Variants in BTF3 observed in about 807,000 individuals in gnomAD.
BTF3 encodes transcription factor BTF3.
A neutral mutation model predicts 23.9 loss-of-function variants in BTF3; 12 were observed. The ratio of observed to expected loss-of-function variants is 0.50; its 90% CI spans 0.32 to 0.81. The LOEUF is 0.81. Among genes scored for constraint, BTF3 ranks in the 40% least tolerant of loss-of-function variants. The probability of loss-of-function intolerance (pLI) is 0.03; values close to 1 mark genes in which losing one functional copy is unlikely to be tolerated. For missense variants in BTF3, 215 were observed against 255.9 expected (o/e 0.84, Z 1.09); for synonymous variants, 96 against 94.8 (o/e 1.01, Z -0.07).
At chr5:73,500,093 A>G (rs946647818) in intron 2 of BTF3, among the ~76,000 whole-genome samples, 3 of 152,148 alleles carry the variant, frequency 2.0e-5, no homozygotes. Flanking sequence ...TTGCACTTAG[A>G]CTTAAATAAT....
intron 3 of BTF3, 76 bp downstream of exon 3, chr5:73,502,677 GTTT>G (rs35246204): frequency 0.16 from 126,584 of 767,260 alleles, 10,772 homozygotes; most frequent in East Asian, 0.51. Context: ...TAAATGGGTT[GTTT>G]TTTTTTTTTT....
rs531902391 is a variant in BTF3, at chr5:73,499,435, AGT to A, written c.201+236_201+237del. 328 of 600,268 alleles carry A rather than the reference AGT, an allele frequency of 5.5e-4. 1 individual carries two copies. The African/African-American group carries it at 6.9e-3, about 13-fold the overall frequency. 37.2% of individuals were successfully genotyped at this position (600,268 alleles called of 1,614,324 possible). ...CATGTTTGTGTTTTCAGTGTTACAG[AGT>A]GTAAGTAGAACACAAAAGTGTTTCC... is the stretch of plus-strand genomic sequence containing the variant. On this transcript the variant is annotated intron_variant, in intron 2 of 5. Transcript: ENST00000380591.
intron 4 of BTF3, among the ~76,000 whole-genome samples, chr5:73,504,056 A>G (rs1746499073): frequency 6.6e-6 from 1 of 152,120 alleles, no homozygotes; most frequent in Non-Finnish European, 1.5e-5. Flanking sequence ...GCACTCTAAG[A>G]GTTCCCTACT....
chr5:73,499,512 C>T (rs1746382910), intron 2 of BTF3: 3 of 420,458 alleles, frequency 7.1e-6, no homozygotes, highest in South Asian at 2.1e-5. Context: ...TCGTTGTGCA[C>T]ATCATACCCT....
At position 73,503,957 on chromosome 5, in the gene BTF3, C is replaced by T. The variant is rs60552199; in HGVS notation, c.518-390C>T. ...TTCAGTAAGTGGTTGTTGAGCATCACCCTTATGCCACACACAGAGTAGTTG... is the reference window on the plus strand; with the variant it reads ...TTCAGTAAGTGGTTGTTGAGCATCATCCTTATGCCACACACAGAGTAGTTG... On this transcript the variant is annotated intron_variant, in intron 4 of 5. Transcript: ENST00000380591. Among the ~76,000 whole-genome samples the T allele has an allele frequency of 6.8e-3, 1,037 of 152,202 alleles. 8 individuals are homozygous for T. Among genetic ancestry groups the T allele is most frequent in the African/African-American group, 0.022 (933 of 41,506 alleles).
chr5:73,504,564 A>G, intron 5 of BTF3, 161 bp downstream of exon 5: 1 of 512,936 alleles, frequency 1.9e-6, no homozygotes. Flanking sequence ...ATTGAGAATT[A>G]TGTTTATAGA....
intron 2 of BTF3, chr5:73,499,620 A>C (rs972016821): frequency 5.7e-5 from 17 of 296,664 alleles, no homozygotes; most frequent in African/African-American, 3.5e-4. Flanking sequence ...AATATTCTTT[A>C]GGGTAGTTGC....
Position 73,498,698 on chromosome 5 carries a change from G to T in BTF3, c.31G>T (p.Asp11Tyr). The change falls in exon 1 of 6, where the codon GAC (aspartate) becomes TAC (tyrosine). Residue 11 changes from aspartate to tyrosine, a missense_variant. Transcript: ENST00000380591. ...ACGGACAGGCGCACCCGCTCAGGCT[G>T]ACTCTCGGGGGCGAGGTCGAGCCAG... is the stretch of plus-strand genomic sequence containing the variant. MRRTGAPAQADSRGRGRARGG... is the reference protein window; with the variant it reads MRRTGAPAQAYSRGRGRARGG... 1 of 1,499,664 alleles carries T rather than the reference G, an allele frequency of 6.7e-7. No individual in the cohort carries two copies. The highest frequency in any genetic ancestry group is 1.2e-5 in the South Asian group (1 of 80,108). 92.9% of individuals were successfully genotyped at this position (1,499,664 alleles called of 1,614,324 possible). A position where few individuals can be genotyped will look rare whatever the true frequency, so the allele number is the denominator to read the frequency against.
In BTF3 at chr5:73,499,001, C is replaced by A; in HGVS notation, c.133-133C>A. The A allele has an allele frequency of 8.0e-6, 10 of 1,248,212 alleles. No homozygotes were observed. The South Asian group carries it at 1.3e-4, about 16-fold the overall frequency. The allele number at this position is 1,248,212 out of a possible 1,614,324, so 77.3% of individuals were successfully genotyped here. A position where few individuals can be genotyped will look rare whatever the true frequency, so the allele number is the denominator to read the frequency against. ...CTGGAAACCCAAATTTGGAGCTTTG[C>A]GGGGTGGATTTGGGATCCAGGTTTC... On this transcript the variant is annotated intron_variant, in intron 1 of 5. Coordinates refer to ENST00000380591, the MANE Select transcript of BTF3 (RefSeq NM_001037637.2).
chr5:73,499,111 C>G, intron 1 of BTF3, 23 bp from the exon 2 acceptor site: 1 of 1,602,322 alleles, frequency 6.2e-7, no homozygotes, highest in Non-Finnish European at 8.5e-7. Context: ...CCTATCCTTG[C>G]TGAGGATTTC....
At chr5:73,504,275 T>TTTTTTTTTTTTTTTTTTTTTTTTTTTG (rs1746505747) in intron 4 of BTF3, 72 bp from the exon 5 acceptor site, 1 of 626,858 alleles carries the variant, frequency 1.6e-6, no homozygotes, top group Non-Finnish European at 2.3e-6. Flanking sequence ...TTCTTTTTTT[T>TTTTTTTTTTTTTTTTTTTTTTTTTTTG]TTTTTTTTTT....
rs1475531325 is a variant in BTF3 at position 73,498,531 on chromosome 5, C to T, written c.-137C>T. On this transcript the variant is annotated 5_prime_UTR_variant, in exon 1 of 6. Coordinates refer to ENST00000380591, the MANE Select transcript of BTF3 (RefSeq NM_001037637.2). Reference sequence around the variant, plus strand: ...CCCTTGAGCACCAACCCTAGTCCCCCGCGCGGCCCCTTATTCGCTCCGACA... The same window carrying T: ...CCCTTGAGCACCAACCCTAGTCCCCTGCGCGGCCCCTTATTCGCTCCGACA... 8.4e-6 allele frequency: 11 copies of T among 1,303,424 alleles called. No individual in the cohort carries two copies. The highest frequency in any genetic ancestry group is 1.1e-5 in the Non-Finnish European group (11 of 1,006,468). The allele number at this position is 1,303,424 out of a possible 1,614,324, so 80.7% of individuals were successfully genotyped here. A position where few individuals can be genotyped will look rare whatever the true frequency, so the allele number is the denominator to read the frequency against.
Position 73,498,481 on chromosome 5 carries a change from T to A in BTF3, c.-187T>A. The A allele has an allele frequency of 1.3e-6, 1 of 741,428 alleles. No individual in the cohort carries two copies. Among genetic ancestry groups the A allele is most frequent in the Non-Finnish European group, 1.9e-6 (1 of 515,346 alleles). 45.9% of individuals were successfully genotyped at this position (741,428 alleles called of 1,614,324 possible). ...TCTTGCGTCCCCGCGTGTGTGCGCC[T>A]AATCTCAGGTGGTCCACCCGAGACC... On this transcript the variant is annotated 5_prime_UTR_variant, in exon 1 of 6. Coordinates refer to ENST00000380591, the MANE Select transcript of BTF3 (RefSeq NM_001037637.2).
At chr5:73,503,925 T>C (rs1746496652) in intron 4 of BTF3, among the ~76,000 whole-genome samples, 1 of 152,186 alleles carries the variant, frequency 6.6e-6, no homozygotes, top group African/African-American at 2.4e-5. Context: ...ACTTTAACTT[T>C]TTTCATTTCA....
intron 2 of BTF3, among the ~76,000 whole-genome samples, chr5:73,501,417 T>G (rs1446109837): frequency 6.6e-6 from 1 of 152,188 alleles, no homozygotes; most frequent in Non-Finnish European, 1.5e-5. Context: ...TAAAATGTAT[T>G]TATCTCTTAT....
chr5:73,503,868 A>C (rs1157931253), intron 4 of BTF3, among the ~76,000 whole-genome samples: 1 of 152,162 alleles, frequency 6.6e-6, no homozygotes, highest in Non-Finnish European at 1.5e-5. Flanking sequence ...TTCTTGTGTG[A>C]TAAAGGAGAG....
Position 73,503,093 on chromosome 5 carries a change from C to T in BTF3, c.493C>T (p.Leu165=), listed in dbSNP as rs1257534656. Residue 165 remains leucine, a synonymous_variant, in exon 4 of 6, where the codon CTG becomes TTG. Coordinates refer to ENST00000380591, the MANE Select transcript of BTF3 (RefSeq NM_001037637.2). ...GADSLTSLRR[L]AEALPKQSVD... is the part of the protein sequence containing the mutation. ...GGATAGTCTGACTAGTTTAAGGAGA[C>T]TGGCCGAAGCTCTGCCCAAACAATG... 1 of 1,613,882 alleles carries T rather than the reference C, an allele frequency of 6.2e-7. No individual in the cohort carries two copies.
At chr5:73,502,688 T>G in intron 3 of BTF3, 87 bp downstream of exon 3, 1 of 1,025,766 alleles carries the variant, frequency 9.7e-7, no homozygotes, top group South Asian at 1.7e-5. Context: ...TTTTTTTTTT[T>G]TTTAACTTAG....
At chr5:73,504,850 A>G (rs534559280) in intron 5 of BTF3, 1 of 224,152 alleles carries the variant, frequency 4.5e-6, no homozygotes, top group Admixed American at 5.7e-5. Flanking sequence ...TTATTGGATA[A>G]ATTTACGTTC....
Sources: gnomAD v4.1 joint callset for allele counts (sites outside exome capture counted in the v4.1 genomes callset) on GRCh38, gnomAD v4.1.1 for gene constraint, MANE v1.5 for transcripts, NCBI Gene and HGNC (gene_info 2026-07-23, HGNC 2026-07-21) for gene names.